Variants in AVEN observed in about 807,000 individuals in gnomAD.
The protein encoded by AVEN is apoptosis and caspase activation inhibitor.
AVEN carries 41 observed loss-of-function variants against 38.1 expected under a neutral mutation model. The observed-to-expected ratio is 1.08, with a 90% CI of 0.84 to 1.40. The LOEUF (loss-of-function observed/expected upper bound fraction) is 1.40. Ranked by LOEUF, AVEN falls within the 40% of genes most tolerant of loss-of-function variation. The pLI, the probability that AVEN is intolerant of heterozygous loss-of-function variation, is 0.00. For synonymous variants in AVEN, 206 were observed against 171.8 expected (o/e 1.20, Z -1.56); for missense variants, 605 against 438.8 (o/e 1.38, Z -3.38).
intron 2 of AVEN, among the ~76,000 whole-genome samples, chr15:33,902,799 T>A (rs889996824): frequency 5.3e-5 from 8 of 152,144 alleles, no homozygotes; most frequent in Non-Finnish European, 1.0e-4. Context: ...AAGACAACAA[T>A]CCCATTTTTG....
chr15:34,020,785 T>C (rs1898168840), intron 1 of AVEN, among the ~76,000 whole-genome samples: 1 of 152,184 alleles, frequency 6.6e-6, no homozygotes, highest in African/African-American at 2.4e-5. Context: ...AGATATAATC[T>C]CCACATAACT....
downstream of AVEN, chr15:33,854,303 G>A: frequency 9.4e-7 from 1 of 1,061,834 alleles, no homozygotes. Context: ...TTAAACCTGA[G>A]AGAAAAAACT....
intron 2 of AVEN, among the ~76,000 whole-genome samples, chr15:33,899,278 G>A (rs767015148): frequency 2.6e-5 from 4 of 151,970 alleles, no homozygotes; most frequent in Non-Finnish European, 5.9e-5. Flanking sequence ...AATTACTGAT[G>A]CTCAAACTGA....
chr15:33,873,996 T>G (rs1039675018), intron 3 of AVEN, among the ~76,000 whole-genome samples: 1 of 152,114 alleles, frequency 6.6e-6, no homozygotes, highest in African/African-American at 2.4e-5. Context: ...CACATCCTCC[T>G]AATCGGTTTC....
chr15:34,038,660 C>A, intron 1 of AVEN, 120 bp downstream of exon 1: 1 of 980,618 alleles, frequency 1.0e-6, no homozygotes, highest in South Asian at 5.0e-5. Flanking sequence ...GCGCAGGCGC[C>A]GGCGCCGCCG....
At chr15:33,901,729 T>C (rs961320195) in intron 2 of AVEN, among the ~76,000 whole-genome samples, 7 of 152,214 alleles carry the variant, frequency 4.6e-5, no homozygotes, top group Non-Finnish European at 1.0e-4. Flanking sequence ...TGGTATCTCA[T>C]GGTAGTTTTA....
At chr15:33,890,934 C>T (rs1488897141) in intron 2 of AVEN, among the ~76,000 whole-genome samples, 1 of 152,076 alleles carries the variant, frequency 6.6e-6, no homozygotes, top group Non-Finnish European at 1.5e-5. Flanking sequence ...ATAGTGAGAA[C>T]TCATCACTAC....
chr15:33,865,397 C>G (rs1597153688), downstream of AVEN: 1 of 589,244 alleles, frequency 1.7e-6, no homozygotes. Context: ...CTTTTTGTGC[C>G]TAATGGACAT....
intron 2 of AVEN, among the ~76,000 whole-genome samples, chr15:33,880,767 G>C (rs577525906): frequency 6.6e-6 from 1 of 152,166 alleles, no homozygotes; most frequent in Non-Finnish European, 1.5e-5. Context: ...AGAAACAAGA[G>C]TTAACTGAAA....
downstream of AVEN, among the ~76,000 whole-genome samples, chr15:33,857,363 T>G (rs935128371): frequency 7.9e-5 from 12 of 151,998 alleles, no homozygotes. Context: ...TCTCTCTCTG[T>G]GTCTCCAACT....
At chr15:34,039,548 ATG>A (rs1212356046), upstream of AVEN, among the ~76,000 whole-genome samples, 1 of 152,144 alleles carries the variant, frequency 6.6e-6, no homozygotes, top group Non-Finnish European at 1.5e-5. Context: ...TCAGCAACGA[ATG>A]TGTATCATTT....
At chr15:33,874,125 T>C (rs1263999837) in intron 3 of AVEN, among the ~76,000 whole-genome samples, 1 of 152,198 alleles carries the variant, frequency 6.6e-6, no homozygotes, top group Non-Finnish European at 1.5e-5. Flanking sequence ...ACAGATAATA[T>C]TAGTAATAAA....
intron 2 of AVEN, among the ~76,000 whole-genome samples, chr15:33,886,608 C>G (rs567225777): frequency 1.3e-5 from 2 of 152,342 alleles, no homozygotes; most frequent in South Asian, 4.1e-4. Context: ...CTTCACTCAG[C>G]TCTCATTCTT....
downstream of AVEN, among the ~76,000 whole-genome samples, chr15:33,858,399 GT>G (rs1182221958): frequency 3.3e-5 from 5 of 151,938 alleles, no homozygotes; most frequent in Non-Finnish European, 5.9e-5. Flanking sequence ...TAGTGATGGG[GT>G]TTCTCTATGT....
chr15:33,951,561 T>TA (rs77164036), intron 2 of AVEN, among the ~76,000 whole-genome samples: 2,263 of 94,142 alleles, frequency 0.024, 23 homozygotes, highest in Middle Eastern at 0.035. Context: ...TAAAGTATAA[T>TA]AAAAAAAAAA....
chr15:33,996,618 C>T (rs1896948787), intron 2 of AVEN, among the ~76,000 whole-genome samples: 1 of 152,238 alleles, frequency 6.6e-6, no homozygotes, highest in Non-Finnish European at 1.5e-5. Context: ...AGGGACCTGA[C>T]TGTTAGAAGG....
intron 2 of AVEN, among the ~76,000 whole-genome samples, chr15:33,892,498 G>T (rs1373486725): frequency 2.0e-5 from 3 of 151,938 alleles, no homozygotes; most frequent in Non-Finnish European, 4.4e-5. Context: ...TTTCCCCATT[G>T]CTTGTTTTCG....
intron 2 of AVEN, chr15:33,883,556 G>C (rs1283535310): frequency 2.0e-5 from 3 of 151,950 alleles, no homozygotes; most frequent in Non-Finnish European, 2.9e-5. Context: ...CTTCAGTATA[G>C]TATGAATGAT....
At chr15:34,062,924 G>T (rs754169144) in exon 5 of AVEN, 2 of 1,614,138 alleles carry the variant, frequency 1.2e-6, no homozygotes, top group Admixed American at 3.3e-5. Context: ...ACTATTACCT[G>T]CTCAGCTTAG....
Sources: allele counts gnomAD v4.1 joint callset (sites outside exome capture counted in the v4.1 genomes callset), GRCh38; gene constraint gnomAD v4.1.1; transcripts MANE v1.5; gene names NCBI Gene and HGNC (gene_info 2026-07-23, HGNC 2026-07-21).